Variants in CHRM2 observed in about 807,000 individuals in gnomAD.
CHRM2 encodes the protein muscarinic acetylcholine receptor M2.
In CHRM2, 8 loss-of-function variants were observed where a neutral mutation model predicts 25.0. The ratio of observed to expected loss-of-function variants is 0.32; its 90% CI spans 0.19 to 0.58. The LOEUF (loss-of-function observed/expected upper bound fraction) is 0.58. Ranked by LOEUF, CHRM2 falls within the 20% of genes least tolerant of loss-of-function variation. CHRM2 has a pLI of 0.88. For missense variants in CHRM2, 440 were observed against 567.1 expected (o/e 0.78, Z 2.28); for synonymous variants, 202 against 205.7 (o/e 0.98, Z 0.15).
chr7:136,966,250 T>G (rs1029261316), intron 2 of CHRM2, among the ~76,000 whole-genome samples: 1 of 151,990 alleles, frequency 6.6e-6, no homozygotes, highest in Non-Finnish European at 1.5e-5. Context: ...TGCGTTTTAT[T>G]CTGATATTGT....
At chr7:136,947,677 T>TTTA (rs1300997919) in intron 2 of CHRM2, among the ~76,000 whole-genome samples, 1 of 152,108 alleles carries the variant, frequency 6.6e-6, no homozygotes, top group East Asian at 1.9e-4. Flanking sequence ...TACTCCTAAT[T>TTTA]TTATTATTAT....
At chr7:136,948,195 T>C (rs1800183568) in intron 2 of CHRM2, among the ~76,000 whole-genome samples, 1 of 151,904 alleles carries the variant, frequency 6.6e-6, no homozygotes, top group Non-Finnish European at 1.5e-5. Context: ...GGAGTAACTA[T>C]CATCTAGATA....
Position 136,998,240 on chromosome 7 carries a change from G to A in CHRM2, c.-47+5976G>A, listed in dbSNP as rs182446589. Among the ~76,000 whole-genome samples the A allele has an allele frequency of 1.7e-4, 26 of 152,306 alleles. No individual in the cohort carries two copies. In the East Asian group the frequency reaches 5.0e-3, roughly 29 times the overall value. ...ATCTAATTTTCAAGCCTGCATGGAT[G>A]AAGGGTCACAGAAGGAAGCTGAGAT... On this transcript the variant is annotated intron_variant, in intron 3 of 3. Coordinates refer to ENST00000680005, the MANE Select transcript of CHRM2 (RefSeq NM_001006630.2).
At position 136,922,851 on chromosome 7, in the gene CHRM2, G is replaced by C. The variant is rs369673479; in HGVS notation, c.-125+53433G>C. 6.6e-5 allele frequency among the ~76,000 whole-genome samples: 10 copies of C among 152,108 alleles called. No individual in the cohort carries two copies. The South Asian group carries it at 1.9e-3, about 28-fold the overall frequency. ...GCATTTTTATGCTGACCTAGCCTGA[G>C]AGAGATCATTTTGGGTTTTTTCTAA... On this transcript the variant is annotated intron_variant, in intron 2 of 3. Transcript: ENST00000680005.
chr7:136,877,034 T>C (rs1014624370), intron 2 of CHRM2, among the ~76,000 whole-genome samples: 1 of 152,080 alleles, frequency 6.6e-6, no homozygotes, highest in Non-Finnish European at 1.5e-5. Context: ...CCTTCCATGA[T>C]ACTGAGGTGG....
intron 2 of CHRM2, among the ~76,000 whole-genome samples, chr7:136,977,978 G>A (rs1045434516): frequency 6.6e-6 from 1 of 151,936 alleles, no homozygotes; most frequent in Admixed American, 6.6e-5. Flanking sequence ...TGGTATTCCC[G>A]TACCATTTAC....
At chr7:136,947,577 G>T (rs185652951) in intron 2 of CHRM2, among the ~76,000 whole-genome samples, 1 of 152,216 alleles carries the variant, frequency 6.6e-6, no homozygotes, top group African/African-American at 2.4e-5. Context: ...TGCCCAGGAG[G>T]CCTCTTTATG....
intron 3 of CHRM2, among the ~76,000 whole-genome samples, chr7:136,992,729 C>G (rs1472048765): frequency 6.6e-6 from 1 of 152,170 alleles, no homozygotes; most frequent in Non-Finnish European, 1.5e-5. Context: ...CTGACTCTCT[C>G]TCTCCCTCTG....
At chr7:136,933,637 C>T (rs543119912) in intron 2 of CHRM2, among the ~76,000 whole-genome samples, 1 of 152,038 alleles carries the variant, frequency 6.6e-6, no homozygotes, top group Non-Finnish European at 1.5e-5. Flanking sequence ...CAGCAGTACT[C>T]TTTATAATAA....
intron 2 of CHRM2, among the ~76,000 whole-genome samples, chr7:136,877,445 C>T (rs1796093780): frequency 6.6e-6 from 1 of 151,966 alleles, no homozygotes; most frequent in South Asian, 2.1e-4. Flanking sequence ...AAATTCCTTT[C>T]ATTCGTTTAA....
intron 2 of CHRM2, among the ~76,000 whole-genome samples, chr7:136,942,377 C>A (rs1195456837): frequency 6.6e-6 from 1 of 152,156 alleles, no homozygotes; most frequent in African/African-American, 2.4e-5. Flanking sequence ...GCTCACCCTC[C>A]TCCTTCCCTT....
At chr7:137,007,319 T>C (rs1804509471) in intron 3 of CHRM2, among the ~76,000 whole-genome samples, 1 of 152,152 alleles carries the variant, frequency 6.6e-6, no homozygotes, top group Non-Finnish European at 1.5e-5. Flanking sequence ...TTCTGTTTTG[T>C]TGGTCACCCA....
intron 2 of CHRM2, among the ~76,000 whole-genome samples, chr7:136,965,934 C>T (rs899198685): frequency 6.6e-6 from 1 of 151,904 alleles, no homozygotes; most frequent in African/African-American, 2.4e-5. Context: ...CAGAAATAAC[C>T]TTAAGCCTTT....
chr7:137,011,773 C>T (rs1205461232), intron 3 of CHRM2, among the ~76,000 whole-genome samples: 1 of 151,894 alleles, frequency 6.6e-6, no homozygotes, highest in African/African-American at 2.4e-5. Context: ...ATGTTATTTC[C>T]AAATAAAAGC....
intron 2 of CHRM2, among the ~76,000 whole-genome samples, chr7:136,989,414 G>A (rs574444727): frequency 1.1e-4 from 16 of 152,018 alleles, no homozygotes; most frequent in South Asian, 2.1e-4. Context: ...GCATACTTAC[G>A]GAAATTCAGA....
intron 2 of CHRM2, among the ~76,000 whole-genome samples, chr7:136,956,477 A>G (rs1003156830): frequency 1.3e-5 from 2 of 152,254 alleles, no homozygotes; most frequent in South Asian, 4.1e-4. Context: ...GGAAGCCTGG[A>G]TTGAAAATAG....
intron 2 of CHRM2, among the ~76,000 whole-genome samples, chr7:136,910,830 T>TGAGA (rs1554414700): frequency 1.3e-3 from 195 of 149,714 alleles, no homozygotes; most frequent in African/African-American, 3.9e-3. Flanking sequence ...TGTGTGTGTG[T>TGAGA]GAGAGAGAGA....
chr7:136,961,268 TTTTAGGTGATTTTGCCACTGGAAGC>T (rs1404291625), intron 2 of CHRM2, among the ~76,000 whole-genome samples: 2 of 152,150 alleles, frequency 1.3e-5, no homozygotes, highest in African/African-American at 4.8e-5. Flanking sequence ...AATATTTCTG[TTTTAGGTGATTTTGCCACTGGAAGC>T]TAATAATGTA....
chr7:136,902,913 A>C, intron 2 of CHRM2: 1 of 345,352 alleles, frequency 2.9e-6, no homozygotes, highest in Non-Finnish European at 5.6e-6. Flanking sequence ...GGTACACATT[A>C]TTTGCAAGTT....
Sources: gnomAD v4.1 joint callset for allele counts (sites outside exome capture counted in the v4.1 genomes callset) on GRCh38, gnomAD v4.1.1 for gene constraint, MANE v1.5 for transcripts, NCBI Gene and HGNC (gene_info 2026-07-23, HGNC 2026-07-21) for gene names.